Variants in EPHB1 observed in about 807,000 individuals in gnomAD.
EPHB1 encodes EPH receptor B1, also known as ephrin type-B receptor 1.
In EPHB1, 30 loss-of-function variants were observed where a neutral mutation model predicts 94.4. The ratio of observed to expected loss-of-function variants is 0.32; its 90% confidence interval spans 0.24 to 0.43. EPHB1 has a LOEUF of 0.43. Ranked by LOEUF, EPHB1 falls within the 20% of genes least tolerant of loss-of-function variation. The pLI is 1.00. For synonymous variants in EPHB1, 522 were observed against 489.1 expected (o/e 1.07, Z -0.89); for missense variants, 1,055 against 1,308.3 (o/e 0.81, Z 2.99).
At chr3:134,846,813 A>G (rs777689735) in intron 1 of EPHB1, among the ~76,000 whole-genome samples, 2 of 152,096 alleles carry the variant, frequency 1.3e-5, no homozygotes, top group Non-Finnish European at 2.9e-5. Flanking sequence ...ACCTCTGGGT[A>G]TTTACCCAGC....
intron 3 of EPHB1, among the ~76,000 whole-genome samples, chr3:135,016,413 A>G (rs777315650): frequency 1.3e-5 from 2 of 152,204 alleles, no homozygotes; most frequent in African/African-American, 2.4e-5. Flanking sequence ...GCTGAAGTCT[A>G]TTGCCTCTGT....
chr3:134,888,232 G>A (rs1208625625), intron 1 of EPHB1, among the ~76,000 whole-genome samples: 2 of 152,178 alleles, frequency 1.3e-5, no homozygotes, highest in Admixed American at 6.5e-5. Flanking sequence ...CGGACTTGGG[G>A]AAATGCACAT....
intron 4 of EPHB1, among the ~76,000 whole-genome samples, chr3:135,122,304 C>A (rs1027185443): frequency 6.6e-6 from 1 of 152,178 alleles, no homozygotes; most frequent in Non-Finnish European, 1.5e-5. Context: ...CCAGTTTTTT[C>A]TTTGAGTCCA....
intron 7 of EPHB1, among the ~76,000 whole-genome samples, chr3:135,164,806 C>CAAAAA (rs59870139): frequency 9.3e-5 from 8 of 86,402 alleles, no homozygotes; most frequent in African/African-American, 1.4e-4. Flanking sequence ...AAGACTGTCT[C>CAAAAA]AAAAAAAAAA....
At chr3:134,905,455 C>T (rs781265086) in intron 1 of EPHB1, among the ~76,000 whole-genome samples, 3 of 152,236 alleles carry the variant, frequency 2.0e-5, no homozygotes, top group Non-Finnish European at 4.4e-5. Context: ...ACTGACTGCC[C>T]AGCATTGCCA....
intron 10 of EPHB1, among the ~76,000 whole-genome samples, chr3:135,181,049 T>C (rs956350396): frequency 6.6e-6 from 1 of 152,200 alleles, no homozygotes; most frequent in African/African-American, 2.4e-5. Flanking sequence ...AGCTACTTCA[T>C]ATATTATCTT....
intron 1 of EPHB1, among the ~76,000 whole-genome samples, chr3:134,821,516 A>G (rs1428298161): frequency 1.3e-5 from 2 of 152,206 alleles, no homozygotes; most frequent in African/African-American, 2.4e-5. Context: ...GGTAAAGATA[A>G]AAGGTGGATG....
intron 3 of EPHB1, among the ~76,000 whole-genome samples, chr3:135,034,474 G>C (rs988892969): frequency 6.6e-6 from 1 of 152,242 alleles, no homozygotes; most frequent in African/African-American, 2.4e-5. Context: ...GCAGGCTCTT[G>C]ACTGTGCATC....
chr3:134,892,322 G>T (rs1326072753), intron 1 of EPHB1, among the ~76,000 whole-genome samples: 1 of 152,168 alleles, frequency 6.6e-6, no homozygotes, highest in Non-Finnish European at 1.5e-5. Flanking sequence ...TCCATGCTTA[G>T]ACCCCAGAAA....
chr3:135,205,879 G>A (rs1471071572), intron 12 of EPHB1, among the ~76,000 whole-genome samples: 5 of 152,036 alleles, frequency 3.3e-5, no homozygotes, highest in East Asian at 1.9e-4. Context: ...CTTTTTTAAG[G>A]TAAAGTGTGC....
chr3:135,072,378 C>T (rs971964023), intron 3 of EPHB1, among the ~76,000 whole-genome samples: 1 of 152,100 alleles, frequency 6.6e-6, no homozygotes, highest in Non-Finnish European at 1.5e-5. Context: ...AGTGAGACTC[C>T]ATCTCAAAAA....
chr3:135,139,293 A>G (rs553650812), intron 5 of EPHB1, among the ~76,000 whole-genome samples: 5 of 152,322 alleles, frequency 3.3e-5, no homozygotes, highest in Non-Finnish European at 5.9e-5. Context: ...GGATGATGCT[A>G]CAAGCCCTGA....
At chr3:134,916,535 T>A (rs1266462624) in intron 1 of EPHB1, among the ~76,000 whole-genome samples, 1 of 152,194 alleles carries the variant, frequency 6.6e-6, no homozygotes, top group Non-Finnish European at 1.5e-5. Context: ...CTGGCGAGAA[T>A]CGAGTGCAGC....
intron 1 of EPHB1, among the ~76,000 whole-genome samples, chr3:134,895,460 G>A: frequency 6.6e-6 from 1 of 152,202 alleles, no homozygotes; most frequent in East Asian, 1.9e-4. Context: ...AGCTGGGAGA[G>A]AATCATCTCT....
intron 1 of EPHB1, among the ~76,000 whole-genome samples, chr3:134,909,391 G>T (rs560637221): frequency 1.3e-5 from 2 of 152,336 alleles, no homozygotes; most frequent in Non-Finnish European, 2.9e-5. Context: ...CGGAGACTGC[G>T]TGACCACCTG....
At chr3:134,956,157 T>G (rs1933262035) in intron 3 of EPHB1, among the ~76,000 whole-genome samples, 2 of 152,052 alleles carry the variant, frequency 1.3e-5, no homozygotes, top group African/African-American at 4.8e-5. Flanking sequence ...TGCTAGAAGC[T>G]CGAGGGCTGC....
At chr3:135,007,376 C>T (rs146065917) in intron 3 of EPHB1, among the ~76,000 whole-genome samples, 1 of 152,052 alleles carries the variant, frequency 6.6e-6, no homozygotes, top group Admixed American at 6.5e-5. Flanking sequence ...TCTGAAGAAC[C>T]AGACACTCTT....
intron 5 of EPHB1, among the ~76,000 whole-genome samples, chr3:135,148,042 G>A (rs1941071077): frequency 6.6e-6 from 1 of 152,144 alleles, no homozygotes; most frequent in South Asian, 2.1e-4. Context: ...TCATTTGTTA[G>A]GTCCCAAAAC....
chr3:134,974,251 C>A (rs1307402300), intron 3 of EPHB1, among the ~76,000 whole-genome samples: 1 of 152,170 alleles, frequency 6.6e-6, no homozygotes, highest in Non-Finnish European at 1.5e-5. Context: ...CACAAACACA[C>A]ACACATACAC....
Sources: gnomAD v4.1 joint callset for allele counts (sites outside exome capture counted in the v4.1 genomes callset) on GRCh38, gnomAD v4.1.1 for gene constraint, MANE v1.5 for transcripts, NCBI Gene and HGNC (gene_info 2026-07-23, HGNC 2026-07-21) for gene names.